LRRTM4: variants seen among roughly 807,000 people sequenced by gnomAD.
LRRTM4 encodes the protein leucine rich repeat transmembrane neuronal 4, also known as leucine-rich repeat transmembrane neuronal protein 4.
Under a neutral mutation model 47.6 loss-of-function variants are expected in LRRTM4, and 25 were observed. The ratio of observed to expected loss-of-function variants is 0.53; its 90% CI spans 0.38 to 0.73. LRRTM4 has a LOEUF of 0.73. Ranked by LOEUF, LRRTM4 falls within the 30% of genes least tolerant of loss-of-function variation. The pLI is 0.00. For synonymous variants in LRRTM4, 311 were observed against 269.5 expected, an observed-to-expected ratio of 1.15 and a Z score of -1.51; for missense variants, 638 against 713.4, an observed-to-expected ratio of 0.89 and a Z score of 1.20.
At chr2:77,217,440 A>ATATATATATATATAT (rs1674484073) in intron 3 of LRRTM4, among the ~76,000 whole-genome samples, 3 of 76,818 alleles carry the variant, frequency 3.9e-5, no homozygotes, top group African/African-American at 1.2e-4. Context: ...CTCCAAATGA[A>ATATATATATATATAT]ATATATATAT....
intron 3 of LRRTM4, among the ~76,000 whole-genome samples, chr2:77,303,611 T>C (rs1677197231): frequency 6.6e-6 from 1 of 152,202 alleles, no homozygotes; most frequent in African/African-American, 2.4e-5. Flanking sequence ...ATGGTATACA[T>C]TTAATAAAAA....
Position 77,260,274 on chromosome 2 carries a change from C to A in LRRTM4, c.1551+258044G>T, listed in dbSNP as rs1466872952. On this transcript the variant is annotated intron_variant, in intron 3 of 3. Coordinates refer to ENST00000409884, the MANE Select transcript of LRRTM4 (RefSeq NM_001134745.3). ...AGGTTGAAGATACAGAAAATATGAA[C>A]GAGTAAAAGTGCATAGGGCAGTCTC... Among the ~76,000 whole-genome samples the A allele has an allele frequency of 2.0e-5, 3 of 151,834 alleles. No homozygotes were observed. The East Asian group carries it at 5.8e-4, about 30-fold the overall frequency.
At chr2:77,378,753 G>A (rs897708634) in intron 3 of LRRTM4, among the ~76,000 whole-genome samples, 1 of 152,046 alleles carries the variant, frequency 6.6e-6, no homozygotes, top group African/African-American at 2.4e-5. Context: ...GAACAGGCAG[G>A]GCATTTAAAA....
chr2:77,414,800 C>T (rs1462276760), intron 3 of LRRTM4, among the ~76,000 whole-genome samples: 1 of 150,704 alleles, frequency 6.6e-6, no homozygotes, highest in African/African-American at 2.4e-5. Flanking sequence ...CCGCTCTATA[C>T]CATCTTCCCT....
intron 3 of LRRTM4, among the ~76,000 whole-genome samples, chr2:77,515,082 G>A (rs1291994067): frequency 6.6e-6 from 1 of 151,828 alleles, no homozygotes; most frequent in African/African-American, 2.4e-5. Flanking sequence ...TATGTACTAA[G>A]TGAATGATTC....
At chr2:77,008,907 G>T (rs1471403421) in intron 3 of LRRTM4, 1 of 149,246 alleles carries the variant, frequency 6.7e-6, no homozygotes, top group East Asian at 2.1e-4. Context: ...CATACAGTAT[G>T]CTAGGTCTCA....
At chr2:76,988,384 T>C (rs1676879951) in intron 3 of LRRTM4, among the ~76,000 whole-genome samples, 1 of 151,812 alleles carries the variant, frequency 6.6e-6, no homozygotes, top group African/African-American at 2.4e-5. Flanking sequence ...GGCATTGAGG[T>C]GGCTGATGAT....
chr2:76,767,948 T>C (rs1265870535), intron 3 of LRRTM4, among the ~76,000 whole-genome samples: 2 of 152,148 alleles, frequency 1.3e-5, no homozygotes, highest in Non-Finnish European at 2.9e-5. Context: ...TTTAATGAAA[T>C]GTTAGGCATA....
chr2:77,421,332 T>A (rs2103881899), intron 3 of LRRTM4, among the ~76,000 whole-genome samples: 1 of 152,300 alleles, frequency 6.6e-6, no homozygotes, highest in East Asian at 1.9e-4. Flanking sequence ...GGTTTTTTTA[T>A]CTTTGCCCCC....
intron 3 of LRRTM4, among the ~76,000 whole-genome samples, chr2:77,428,792 T>C (rs2103899589): frequency 6.6e-6 from 1 of 152,304 alleles, no homozygotes; most frequent in East Asian, 1.9e-4. Context: ...TTGAGACTGT[T>C]AAAAAAGCAA....
intron 3 of LRRTM4, among the ~76,000 whole-genome samples, chr2:76,886,460 G>A (rs978167157): frequency 1.3e-5 from 2 of 151,956 alleles, no homozygotes; most frequent in East Asian, 3.8e-4. Context: ...ACATTTCCAT[G>A]ATTAGAACCT....
intron 3 of LRRTM4, among the ~76,000 whole-genome samples, chr2:77,264,374 G>A (rs1414527055): frequency 6.6e-6 from 1 of 151,926 alleles, no homozygotes; most frequent in African/African-American, 2.4e-5. Context: ...GAGCGCTCTG[G>A]TTTCTTTTTG....
chr2:76,880,453 T>C (rs1329528838), intron 3 of LRRTM4, among the ~76,000 whole-genome samples: 1 of 152,142 alleles, frequency 6.6e-6, no homozygotes, highest in Non-Finnish European at 1.5e-5. Flanking sequence ...TTCACCTTTT[T>C]AGACATACTA....
At chr2:76,811,030 G>T (rs749202377) in intron 3 of LRRTM4, among the ~76,000 whole-genome samples, 2 of 152,084 alleles carry the variant, frequency 1.3e-5, no homozygotes, top group Admixed American at 6.6e-5. Context: ...GTGACTAATT[G>T]AAATATAGAA....
intron 3 of LRRTM4, among the ~76,000 whole-genome samples, chr2:77,044,664 C>G (rs1156326766): frequency 6.6e-6 from 1 of 151,340 alleles, no homozygotes; most frequent in Non-Finnish European, 1.5e-5. Flanking sequence ...CAAACACACA[C>G]ATACACATAT....
chr2:77,179,180 G>C (rs963416429), intron 3 of LRRTM4, among the ~76,000 whole-genome samples: 1 of 152,118 alleles, frequency 6.6e-6, no homozygotes, highest in Admixed American at 6.6e-5. Flanking sequence ...TCAATAAGTG[G>C]TAAAGAAGCA....
chr2:77,477,613 T>C (rs6742933), intron 3 of LRRTM4, among the ~76,000 whole-genome samples: 50,964 of 151,468 alleles, frequency 0.34, 8,763 homozygotes, highest in Middle Eastern at 0.36. Context: ...GAGGCCGAGG[T>C]GGACGGATGA....
intron 3 of LRRTM4, among the ~76,000 whole-genome samples, chr2:77,185,438 G>T (rs568044335): frequency 6.6e-6 from 1 of 152,078 alleles, no homozygotes; most frequent in Admixed American, 6.6e-5. Context: ...GAAGTAAATG[G>T]CTACAAGGGC....
chr2:76,882,277 T>C (rs1573251584), intron 3 of LRRTM4, among the ~76,000 whole-genome samples: 1 of 151,998 alleles, frequency 6.6e-6, no homozygotes, highest in African/African-American at 2.4e-5. Flanking sequence ...GTGAACAGGG[T>C]TCTAATAATA....
Sources: allele counts gnomAD v4.1 joint callset (sites outside exome capture counted in the v4.1 genomes callset), GRCh38; gene constraint gnomAD v4.1.1; transcripts MANE v1.5; gene names NCBI Gene and HGNC (gene_info 2026-07-23, HGNC 2026-07-21).